The following ACOT7 variants were observed in gnomAD, a reference collection of about 807,000 sequenced individuals.
ACOT7 encodes the protein acyl-CoA thioesterase 7.
A neutral mutation model predicts 40.2 loss-of-function variants in ACOT7; 12 were observed. The ratio of observed to expected loss-of-function variants is 0.30; its 90% CI spans 0.19 to 0.48. The LOEUF is 0.48. Among genes scored for constraint, ACOT7 ranks in the 20% least tolerant of loss-of-function variants. The pLI, the probability that ACOT7 is intolerant of heterozygous loss-of-function variation, is 0.99. For missense variants in ACOT7, 395 were observed against 530.8 expected (o/e 0.74, Z 2.51); for synonymous variants, 228 against 219.5 (o/e 1.04, Z -0.34).
At chr1:6,315,619 C>G (rs57851079) in intron 6 of ACOT7, among the ~76,000 whole-genome samples, 10,584 of 151,664 alleles carry the variant, frequency 0.07, 850 homozygotes, top group African/African-American at 0.2. Flanking sequence ...GGCGTGGTGG[C>G]GGGCACCTGT....
chr1:6,361,586 G>C (rs1457495095), intron 1 of ACOT7, among the ~76,000 whole-genome samples: 1 of 152,108 alleles, frequency 6.6e-6, no homozygotes, highest in Non-Finnish European at 1.5e-5. Context: ...ATCATCTGAG[G>C]TGAGGAGTTT....
chr1:6,336,491 T>C (rs1431927633), intron 3 of ACOT7, among the ~76,000 whole-genome samples: 1 of 152,166 alleles, frequency 6.6e-6, no homozygotes, highest in Non-Finnish European at 1.5e-5. Flanking sequence ...GCGGGTCGTC[T>C]GCCTGGGCCT....
chr1:6,392,339 T>C (rs1306485146), intron 1 of ACOT7, among the ~76,000 whole-genome samples: 1 of 152,222 alleles, frequency 6.6e-6, no homozygotes, highest in African/African-American at 2.4e-5. Context: ...ACAGAGCCTG[T>C]GTGCAGTGGC....
chr1:6,345,338 C>T (rs928748947), intron 2 of ACOT7, among the ~76,000 whole-genome samples: 1 of 152,256 alleles, frequency 6.6e-6, no homozygotes, highest in Non-Finnish European at 1.5e-5. Flanking sequence ...GGCTTCCAGC[C>T]AGGACAGCAG....
rs527423746 is a variant in ACOT7, at chr1:6,279,994, C to T, written c.1014+1108G>A. ...TGTTCGCCCCAGAGATTTCAGTGCA[C>T]GCTCCTCTCCGGGAGGCTGAGCAGC... On this transcript the variant is annotated intron_variant, in intron 8 of 8. Coordinates refer to ENST00000361521, the MANE Select transcript of ACOT7 (RefSeq NM_007274.4). Among the ~76,000 whole-genome samples, 13 of 152,362 alleles carry T rather than the reference C, an allele frequency of 8.5e-5. 1 individual carries two copies. The South Asian group carries it at 1.9e-3, about 22-fold the overall frequency.
In ACOT7 at chr1:6,306,645, G is replaced by C; in HGVS notation, c.713-11665C>G. 1.0e-6 allele frequency: 1 copy of C among 985,360 alleles called. No homozygotes were observed. The highest frequency in any genetic ancestry group is 1.2e-6 in the Non-Finnish European group (1 of 829,900). The allele number at this position is 985,360 out of a possible 1,614,324, so 61.0% of individuals were successfully genotyped here. On this transcript the variant is annotated intron_variant, in intron 6 of 8. Transcript: ENST00000361521. This position sits in a 1 kb window ranked among gnomAD's most constrained non-coding sequence, Gnocchi z 4.3. ...TGCAGCCTGTGCCACTCAGCTTCAC[G>C]AGGAAGAAAGCGGCGTCCCAAAGCA...
At chr1:6,317,492 C>G (rs1181479040) in intron 6 of ACOT7, among the ~76,000 whole-genome samples, 2 of 152,124 alleles carry the variant, frequency 1.3e-5, no homozygotes, top group Non-Finnish European at 2.9e-5. Context: ...TCTGTACTTA[C>G]TGGGAAAAAA....
intron 2 of ACOT7, 148 bp from the exon 3 acceptor site, chr1:6,339,737 C>CG: frequency 1.6e-6 from 1 of 629,230 alleles, no homozygotes; most frequent in Non-Finnish European, 2.5e-6. Context: ...ATTGGCACCG[C>CG]GGTTTTTTTT....
At chr1:6,340,483 A>G (rs1438640102) in intron 2 of ACOT7, among the ~76,000 whole-genome samples, 7 of 152,226 alleles carry the variant, frequency 4.6e-5, no homozygotes, top group Admixed American at 4.6e-4. Context: ...AAATACAGAA[A>G]AGTAGAAAGA....
At chr1:6,333,673 G>C in intron 3 of ACOT7, 105 bp from the exon 4 acceptor site, 1 of 1,084,274 alleles carries the variant, frequency 9.2e-7, no homozygotes, top group East Asian at 2.5e-5. Flanking sequence ...CCCAGTACCT[G>C]AAACACACCA....
rs376626576 is a variant in ACOT7, at chr1:6,281,210, G to A, written c.906C>T (p.Ala302=). 5.7e-5 allele frequency: 92 copies of A among 1,614,016 alleles called. No homozygotes were observed. The highest frequency in any genetic ancestry group is 7.3e-5 in the Non-Finnish European group (86 of 1,180,042). ...KSMEIEVLVD[A]DPVVDSSQKR... is the part of the protein sequence containing the mutation. ...TCTGAGAGCTGTCCACAACAGGGTC[G>A]GCGTCCACCAACACCTCGATCTCCA... Residue 302 remains alanine (A), a synonymous_variant, in exon 8 of 9, where the codon GCC becomes GCT. Coordinates refer to ENST00000361521, the MANE Select transcript of ACOT7 (RefSeq NM_007274.4).
intron 2 of ACOT7, among the ~76,000 whole-genome samples, chr1:6,341,701 C>T (rs1269580164): frequency 1.3e-5 from 2 of 152,106 alleles, no homozygotes; most frequent in African/African-American, 4.8e-5. Context: ...AAGATCGCAC[C>T]ACTGCGCTCC....
chr1:6,300,562 A>G (rs1030244551), intron 6 of ACOT7, among the ~76,000 whole-genome samples: 6 of 144,302 alleles, frequency 4.2e-5, no homozygotes, highest in Admixed American at 1.4e-4. Context: ...ACCCCACCCG[A>G]TCCTGATGCG....
chr1:6,278,534 C>T lies in ACOT7; in HGVS notation c.1014+2568G>A, dbSNP rs962044710. 1.4e-4 allele frequency among the ~76,000 whole-genome samples: 21 copies of T among 152,088 alleles called. No homozygotes were observed. Among genetic ancestry groups the T allele is most frequent in the South Asian group, 6.2e-4 (3 of 4,802 alleles). Reference sequence around the variant, plus strand: ...CCAGACTTCCAGAGCAGCACAGAGGCGGAGAGGGATTTTTTTGCGGGTGTG... The same window carrying T: ...CCAGACTTCCAGAGCAGCACAGAGGTGGAGAGGGATTTTTTTGCGGGTGTG... On this transcript the variant is annotated intron_variant, in intron 8 of 8. Transcript: ENST00000361521. This position sits in a 1 kb window ranked among gnomAD's most constrained non-coding sequence, Gnocchi z 4.1.
At chr1:6,308,078 G>C (rs1046611808) in intron 6 of ACOT7, among the ~76,000 whole-genome samples, 2 of 149,500 alleles carry the variant, frequency 1.3e-5, no homozygotes, top group South Asian at 2.1e-4. Context: ...AGGGAACAGT[G>C]ACCAAAGGGA....
chr1:6,341,015 G>A lies in ACOT7; in HGVS notation c.262-1426C>T, dbSNP rs7527046. On this transcript the variant is annotated intron_variant, in intron 2 of 8. Transcript: ENST00000361521. ...TGCGCCACTGCACTCCAGCCTGGGTGACAGAGCAAGACTCCATCTCAAAAA... is the reference window on the plus strand; with the variant it reads ...TGCGCCACTGCACTCCAGCCTGGGTAACAGAGCAAGACTCCATCTCAAAAA... Among the ~76,000 whole-genome samples the A allele has an allele frequency of 6.6e-5, 10 of 151,970 alleles. 1 individual carries two copies. The South Asian group carries it at 2.1e-3, about 32-fold the overall frequency.
chr1:6,336,333 C>CAAAAAAAAAAA (rs3029068), intron 3 of ACOT7, among the ~76,000 whole-genome samples: 22 of 52,774 alleles, frequency 4.2e-4, no homozygotes, highest in African/African-American at 1.6e-3. Flanking sequence ...GACTCGGTCT[C>CAAAAAAAAAAA]AAAAAAAAAA....
intron 1 of ACOT7, among the ~76,000 whole-genome samples, chr1:6,374,171 G>A (rs1642183267): frequency 6.6e-6 from 1 of 152,226 alleles, no homozygotes; most frequent in African/African-American, 2.4e-5. Context: ...CCTGAGGACA[G>A]AGGCCTGGTC....
intron 5 of ACOT7, among the ~76,000 whole-genome samples, chr1:6,319,009 C>A (rs1381506059): frequency 1.3e-5 from 2 of 152,200 alleles, no homozygotes; most frequent in East Asian, 1.9e-4. Context: ...CCACAGGGAG[C>A]AAGCTGTTCC....
Sources: gnomAD v4.1 joint callset for allele counts (sites outside exome capture counted in the v4.1 genomes callset) on GRCh38, gnomAD v4.1.1 for gene constraint, Gnocchi (gnomAD v3.1) non-coding constraint, MANE v1.5 for transcripts, NCBI Gene and HGNC (gene_info 2026-07-23, HGNC 2026-07-21) for gene names.